ZNF438: variants seen among roughly 807,000 people sequenced by gnomAD.
ZNF438 encodes zinc finger protein 438.
A neutral mutation model predicts 38.0 loss-of-function variants in ZNF438; 25 were observed. The ratio of observed to expected loss-of-function variants is 0.66; its 90% CI spans 0.48 to 0.92. The LOEUF is 0.92. Ranked by LOEUF, ZNF438 falls within the 40% of genes least tolerant of loss-of-function variation. The probability of loss-of-function intolerance (pLI) is 0.00; values close to 1 mark genes in which losing one functional copy is unlikely to be tolerated. For synonymous variants in ZNF438, 372 were observed against 364.1 expected (o/e 1.02, Z -0.25); for missense variants, 1,007 against 999.6 (o/e 1.01, Z -0.10).
chr10:30,951,421 AT>A (rs1193605568), intron 1 of ZNF438, among the ~76,000 whole-genome samples: 1 of 151,562 alleles, frequency 6.6e-6, no homozygotes. Context: ...GGAGAAGGAA[AT>A]AAAGGGTATT....
chr10:30,885,270 T>C (rs1163458016), intron 3 of ZNF438, among the ~76,000 whole-genome samples: 4 of 152,218 alleles, frequency 2.6e-5, no homozygotes, highest in Admixed American at 6.5e-5. Flanking sequence ...CTACTTTGAT[T>C]GGGCAGCTGC....
chr10:30,848,698 A>C (rs764096379), exon 5 of ZNF438: 4 of 1,614,208 alleles, frequency 2.5e-6, no homozygotes, highest in Non-Finnish European at 3.4e-6. Flanking sequence ...CACAAAACTC[A>C]CAACACATGA....
chr10:30,997,728 G>C (rs192787054), intron 1 of ZNF438, among the ~76,000 whole-genome samples: 2 of 152,170 alleles, frequency 1.3e-5, no homozygotes, highest in Admixed American at 6.5e-5. Context: ...TTTCTAGGAG[G>C]CTTCTAAGAA....
At chr10:30,856,345 G>T (rs1398082369) in intron 4 of ZNF438, among the ~76,000 whole-genome samples, 1 of 152,098 alleles carries the variant, frequency 6.6e-6, no homozygotes, top group Non-Finnish European at 1.5e-5. Context: ...TGCAATAAAG[G>T]CCAGTTATGC....
intron 1 of ZNF438, chr10:30,999,448 A>G (rs1264337315): frequency 1.3e-5 from 2 of 152,460 alleles, no homozygotes; most frequent in African/African-American, 2.4e-5. Context: ...ACTCCAAGTC[A>G]TTACTGTTAT....
At chr10:30,970,626 C>T (rs1031817358) in intron 1 of ZNF438, among the ~76,000 whole-genome samples, 6 of 152,142 alleles carry the variant, frequency 3.9e-5, no homozygotes, top group African/African-American at 1.4e-4. Flanking sequence ...ATAAGCACAA[C>T]CTTTTTTTCT....
chr10:30,862,339 TCACC>T (rs1331784491), intron 4 of ZNF438, among the ~76,000 whole-genome samples: 2 of 152,180 alleles, frequency 1.3e-5, no homozygotes, highest in African/African-American at 4.8e-5. Context: ...ACTCGCTCTA[TCACC>T]CAGGCTGGAG....
At chr10:30,860,606 T>G (rs745348527) in intron 4 of ZNF438, among the ~76,000 whole-genome samples, 23 of 152,230 alleles carry the variant, frequency 1.5e-4, no homozygotes, top group Non-Finnish European at 2.9e-4. Context: ...TCCTAACATC[T>G]AATCCAATCC....
At chr10:30,972,355 A>G (rs1387770016) in intron 1 of ZNF438, among the ~76,000 whole-genome samples, 1 of 150,558 alleles carries the variant, frequency 6.6e-6, no homozygotes, top group African/African-American at 2.4e-5. Context: ...TAATTAAAAA[A>G]CCTCTGCTTC....
chr10:30,980,615 T>C (rs1255944975), intron 1 of ZNF438, among the ~76,000 whole-genome samples: 2 of 152,216 alleles, frequency 1.3e-5, no homozygotes, highest in Non-Finnish European at 2.9e-5. Flanking sequence ...AAAATGGAGA[T>C]GTTGAAAAGA....
chr10:31,010,892 GAAAAA>G (rs563189482), intron 1 of ZNF438, among the ~76,000 whole-genome samples: 8 of 92,584 alleles, frequency 8.6e-5, no homozygotes, highest in African/African-American at 3.7e-4. Context: ...GACCCTGTTT[GAAAAA>G]AAAAAAAAAA....
chr10:30,923,553 T>C (rs1589219290), intron 2 of ZNF438, among the ~76,000 whole-genome samples: 1 of 152,346 alleles, frequency 6.6e-6, no homozygotes, highest in East Asian at 1.9e-4. Flanking sequence ...CTCAGCACCA[T>C]ATACTGAAAG....
At chr10:30,869,532 C>T (rs1564528874) in intron 4 of ZNF438, among the ~76,000 whole-genome samples, 1 of 152,084 alleles carries the variant, frequency 6.6e-6, no homozygotes, top group Non-Finnish European at 1.5e-5. Context: ...TGGTTTTAGG[C>T]CACCCAGGTC....
chr10:31,029,898 G>A (rs999777417), intron 1 of ZNF438, among the ~76,000 whole-genome samples: 8 of 152,196 alleles, frequency 5.3e-5, no homozygotes, highest in Admixed American at 1.3e-4. Context: ...CCTGCTGTGA[G>A]GCCGAAAATA....
At chr10:30,993,560 A>G (rs958958098) in intron 1 of ZNF438, among the ~76,000 whole-genome samples, 3 of 152,268 alleles carry the variant, frequency 2.0e-5, no homozygotes, top group African/African-American at 4.8e-5. Flanking sequence ...TTCAAAGGAT[A>G]TACCAAAAAG....
intron 3 of ZNF438, among the ~76,000 whole-genome samples, chr10:30,889,454 T>C (rs898698710): frequency 6.6e-6 from 1 of 152,152 alleles, no homozygotes; most frequent in African/African-American, 2.4e-5. Flanking sequence ...TCTGTCACCC[T>C]GGATGGAGTG....
chr10:30,997,107 G>C (rs969569649), intron 1 of ZNF438, among the ~76,000 whole-genome samples: 1 of 152,030 alleles, frequency 6.6e-6, no homozygotes, highest in Non-Finnish European at 1.5e-5. Context: ...ATCTCAAGTG[G>C]ATAATCTAAT....
At chr10:31,010,892 G>GAAAAAAAAAAAAAAAAAAAAAAAA (rs563189482) in intron 1 of ZNF438, among the ~76,000 whole-genome samples, 3 of 92,594 alleles carry the variant, frequency 3.2e-5, no homozygotes, top group Non-Finnish European at 5.8e-5. Context: ...GACCCTGTTT[G>GAAAAAAAAAAAAAAAAAAAAAAAA]AAAAAAAAAA....
chr10:31,023,273 C>T (rs767485695), intron 1 of ZNF438, among the ~76,000 whole-genome samples: 82 of 152,108 alleles, frequency 5.4e-4, no homozygotes, highest in Non-Finnish European at 1.3e-4. Context: ...ATCTATAATT[C>T]GGCATCTATC....
Sources: gnomAD v4.1 joint callset for allele counts (sites outside exome capture counted in the v4.1 genomes callset) on GRCh38, gnomAD v4.1.1 for gene constraint, MANE v1.5 for transcripts, NCBI Gene and HGNC (gene_info 2026-07-23, HGNC 2026-07-21) for gene names.